Variants in SRP68 observed in about 807,000 individuals in gnomAD.
SRP68 encodes signal recognition particle subunit SRP68.
A neutral mutation model predicts 82.2 loss-of-function variants in SRP68; 15 were observed. The ratio of observed to expected loss-of-function variants is 0.18; its 90% CI spans 0.12 to 0.28. The LOEUF (loss-of-function observed/expected upper bound fraction) is 0.28. Among genes scored for constraint, SRP68 ranks in the 10% least tolerant of loss-of-function variants. The pLI, the probability that SRP68 is intolerant of heterozygous loss-of-function variation, is 1.00. For synonymous variants in SRP68, 261 were observed against 292.6 expected (o/e 0.89, Z 1.10); for missense variants, 595 against 780.5 (o/e 0.76, Z 2.83).
At chr17:76,065,938 T>A (rs1295800526) in intron 3 of SRP68, among the ~76,000 whole-genome samples, 1 of 151,628 alleles carries the variant, frequency 6.6e-6, no homozygotes, top group East Asian at 1.9e-4. Context: ...ACTCTGCTGA[T>A]GTAGCACAAA....
intron 10 of SRP68, among the ~76,000 whole-genome samples, chr17:76,047,370 G>T (rs567671010): frequency 6.6e-6 from 1 of 152,164 alleles, no homozygotes; most frequent in Non-Finnish European, 1.5e-5. Context: ...GCCTGGCTGT[G>T]TTCTAGTTAA....
chr17:76,040,600 A>C (rs2066582171), intron 14 of SRP68, 126 bp from the exon 15 acceptor site: 1 of 916,592 alleles, frequency 1.1e-6, no homozygotes, highest in South Asian at 1.4e-5. Flanking sequence ...TGGGGAAGCC[A>C]GGCCTGTCTC....
chr17:76,046,015 C>T, intron 11 of SRP68, 23 bp downstream of exon 11: 2 of 1,613,162 alleles, frequency 1.2e-6, no homozygotes, highest in South Asian at 1.1e-5. Context: ...CAGGCCCTTG[C>T]CTTCCCGGTC....
At chr17:76,070,234 A>AAAC (rs1567938449) in intron 2 of SRP68, 144 bp downstream of exon 2, 153 of 704,536 alleles carry the variant, frequency 2.2e-4, no homozygotes, top group Non-Finnish European at 2.9e-4. Context: ...AAAAAAAAAA[A>AAAC]AAAAACAAAG....
intron 4 of SRP68, among the ~76,000 whole-genome samples, chr17:76,063,527 A>G (rs1319413394): frequency 1.3e-5 from 2 of 152,082 alleles, no homozygotes; most frequent in African/African-American, 2.4e-5. Flanking sequence ...GTCTCTACTA[A>G]AAATAAAAAA....
intron 13 of SRP68, 41 bp from the exon 14 acceptor site, chr17:76,041,019 G>C: frequency 6.4e-7 from 1 of 1,566,536 alleles, no homozygotes; most frequent in South Asian, 1.1e-5. Flanking sequence ...GCCAGGGCCA[G>C]GTCAGAGAAG....
intron 12 of SRP68, 70 bp from the exon 13 acceptor site, chr17:76,044,028 G>A: frequency 6.5e-7 from 1 of 1,530,932 alleles, no homozygotes; most frequent in South Asian, 1.2e-5. Flanking sequence ...TTTCCTTGCA[G>A]TTTAGGCGAA....
intron 3 of SRP68, among the ~76,000 whole-genome samples, chr17:76,066,671 C>T (rs2066809498): frequency 6.8e-6 from 1 of 146,978 alleles, no homozygotes; most frequent in South Asian, 2.1e-4. Flanking sequence ...GAAGAAGCTT[C>T]CCTGTACAGA....
chr17:76,060,287 A>C, intron 7 of SRP68, 21 bp downstream of exon 7: 1 of 1,584,186 alleles, frequency 6.3e-7, no homozygotes, highest in Non-Finnish European at 8.7e-7. Context: ...ACTTTTCACA[A>C]AAATGTACAT....
chr17:76,046,297 G>A, intron 10 of SRP68, 103 bp from the exon 11 acceptor site: 1 of 1,316,316 alleles, frequency 7.6e-7, no homozygotes, highest in East Asian at 2.3e-5. Flanking sequence ...CAGGGGGCGG[G>A]TGGGGGCGTG....
At chr17:76,043,578 T>C (rs73997695) in intron 13 of SRP68, 13,409 of 260,040 alleles carry the variant, frequency 0.052, 1,764 homozygotes, top group African/African-American at 0.28. Context: ...GGTTTTCCTG[T>C]GGTGGTTTTT....
chr17:76,067,181 A>C (rs1279120277), intron 3 of SRP68, 36 bp downstream of exon 3: 1 of 1,447,304 alleles, frequency 6.9e-7, no homozygotes, highest in East Asian at 2.3e-5. Flanking sequence ...TGTATTAGCA[A>C]GAAGTAATTT....
intron 2 of SRP68, among the ~76,000 whole-genome samples, chr17:76,068,916 A>T (rs2066827275): frequency 6.6e-6 from 1 of 152,000 alleles, no homozygotes; most frequent in Non-Finnish European, 1.5e-5. Flanking sequence ...TTTCATTTTT[A>T]AATTTTCCAC....
intron 15 of SRP68, 138 bp from the exon 16 acceptor site, chr17:76,040,071 G>A (rs934408251): frequency 3.0e-5 from 25 of 821,970 alleles, no homozygotes; most frequent in Non-Finnish European, 4.2e-5. Context: ...AGCCTCCTAC[G>A]AGGAGGGGCT....
At chr17:76,067,436 C>G in intron 2 of SRP68, 106 bp from the exon 3 acceptor site, 2 of 769,196 alleles carry the variant, frequency 2.6e-6, no homozygotes, top group Admixed American at 2.5e-5. Context: ...GGATATTATA[C>G]TTATGGTTAC....
At chr17:76,050,842 A>G (rs1473627515) in intron 8 of SRP68, among the ~76,000 whole-genome samples, 40 of 151,670 alleles carry the variant, frequency 2.6e-4, no homozygotes, top group Non-Finnish European at 1.5e-5. Context: ...ACTTCCCTGC[A>G]GCGCTTCACC....
chr17:76,045,922 C>G, intron 11 of SRP68, 116 bp downstream of exon 11: 1 of 1,280,038 alleles, frequency 7.8e-7, no homozygotes, highest in Non-Finnish European at 1.1e-6. Context: ...CTCTTCCCAG[C>G]TACTAATAGG....
intron 2 of SRP68, among the ~76,000 whole-genome samples, chr17:76,068,804 C>T (rs2066826638): frequency 6.6e-6 from 1 of 152,056 alleles, no homozygotes; most frequent in African/African-American, 2.4e-5. Flanking sequence ...CACTATGTTG[C>T]TGTTGCCCAG....
At chr17:76,063,085 A>G (rs1390181907) in intron 4 of SRP68, among the ~76,000 whole-genome samples, 1 of 151,942 alleles carries the variant, frequency 6.6e-6, no homozygotes, top group African/African-American at 2.4e-5. Flanking sequence ...ATATAGATAT[A>G]TTAATCACAG....
Sources: gnomAD v4.1 joint callset for allele counts (sites outside exome capture counted in the v4.1 genomes callset) on GRCh38, gnomAD v4.1.1 for gene constraint, MANE v1.5 for transcripts, NCBI Gene and HGNC (gene_info 2026-07-23, HGNC 2026-07-21) for gene names.